The following SLC14A2 variants were observed in gnomAD, a reference collection of about 807,000 sequenced individuals.
The protein encoded by SLC14A2 is solute carrier family 14 member 2.
Under a neutral mutation model 104.6 loss-of-function variants are expected in SLC14A2, and 91 were observed. The observed-to-expected ratio is 0.87, with a 90% confidence interval of 0.73 to 1.04. The LOEUF (loss-of-function observed/expected upper bound fraction) is 1.04, where lower values mean the gene tolerates loss of function less well. Ranked by LOEUF, SLC14A2 falls within the 50% of genes least tolerant of loss-of-function variation. The pLI is 0.00. For missense variants in SLC14A2, 1,189 were observed against 1,156.0 expected, an observed-to-expected ratio of 1.03 and a Z score of -0.41; for synonymous variants, 476 against 466.4, an observed-to-expected ratio of 1.02 and a Z score of -0.27.
intron 1 of SLC14A2, among the ~76,000 whole-genome samples, chr18:45,391,909 G>C (rs562687800): frequency 1.3e-5 from 2 of 152,272 alleles, no homozygotes; most frequent in Admixed American, 6.5e-5. Context: ...TTCTTTTGCT[G>C]TGCAGAAGCT....
chr18:45,668,022 A>C lies in SLC14A2; in HGVS notation c.1907A>C (p.Lys636Thr). ...ACAGCCCTCATCCTGAGTCAGGACA[A>C]GTAAGTCCCAGAGGCTCAGGGTCCA... ...TLTALILSQD[K>T]SAIAAGFHGY... Residue 636 changes from lysine (K) to threonine (T), a missense_variant and splice_region_variant, in exon 14 of 20, where the codon AAG becomes ACG. Coordinates refer to ENST00000255226, the MANE Select transcript of SLC14A2 (RefSeq NM_007163.4). 6.2e-7 allele frequency: 1 copy of C among 1,613,932 alleles called. No individual in the cohort carries two copies. The highest frequency in any genetic ancestry group is 8.5e-7 in the Non-Finnish European group (1 of 1,179,860).
rs148094631 is a variant in SLC14A2, at chr18:45,279,929, C to T, written c.-125+66738C>T. 3.7e-4 allele frequency among the ~76,000 whole-genome samples: 57 copies of T among 152,226 alleles called. No homozygotes were observed. In the East Asian group the frequency reaches 9.9e-3, roughly 26 times the overall value. ...GTGGTGGTTGGAGGGTGTCCTGTGCCTTTGGGATATTTAGCAGCTTCCCTG... is the reference window on the plus strand; with the variant it reads ...GTGGTGGTTGGAGGGTGTCCTGTGCTTTTGGGATATTTAGCAGCTTCCCTG... On this transcript the variant is annotated intron_variant, in intron 1 of 20. Transcript: ENST00000586448.
chr18:45,309,331 CA>C (rs2085054732), intron 1 of SLC14A2, among the ~76,000 whole-genome samples: 1 of 149,060 alleles, frequency 6.7e-6, no homozygotes, highest in African/African-American at 2.5e-5. Context: ...TTCTCAGAAG[CA>C]CTTTTTTTTT....
chr18:45,629,155 T>A (rs761652984), intron 4 of SLC14A2, among the ~76,000 whole-genome samples: 1 of 152,162 alleles, frequency 6.6e-6, no homozygotes, highest in Non-Finnish European at 1.5e-5. Context: ...GGAAGTGTTG[T>A]AACCAACGTC....
intron 1 of SLC14A2, among the ~76,000 whole-genome samples, chr18:45,397,457 T>A (rs78746981): frequency 6.6e-6 from 1 of 152,230 alleles, no homozygotes; most frequent in Non-Finnish European, 1.5e-5. Context: ...GCTGAATGTA[T>A]GTCTTCCTTT....
chr18:45,493,398 A>G (rs2043035609), intron 2 of SLC14A2: 2 of 152,272 alleles, frequency 1.3e-5, no homozygotes, highest in South Asian at 4.1e-4. Context: ...CCCTCATTTT[A>G]TGAATAAAGA....
chr18:45,384,091 C>A (rs2085868008), intron 1 of SLC14A2, among the ~76,000 whole-genome samples: 1 of 152,108 alleles, frequency 6.6e-6, no homozygotes, highest in Admixed American at 6.5e-5. Flanking sequence ...CTAGCATAGG[C>A]ACTACACAGG....
At chr18:45,648,701 G>A (rs935377575) in intron 10 of SLC14A2, among the ~76,000 whole-genome samples, 5 of 151,818 alleles carry the variant, frequency 3.3e-5, no homozygotes, top group Non-Finnish European at 5.9e-5. Context: ...CAGTGTTTCT[G>A]TAATTTAATA....
chr18:45,545,479 T>C (rs1219689843), intron 2 of SLC14A2, among the ~76,000 whole-genome samples: 2 of 152,184 alleles, frequency 1.3e-5, no homozygotes, highest in Admixed American at 6.5e-5. Context: ...TCTATCAAAA[T>C]AGAAGAGAAC....
chr18:45,521,030 G>A (rs2043509590), intron 2 of SLC14A2, among the ~76,000 whole-genome samples: 1 of 152,178 alleles, frequency 6.6e-6, no homozygotes, highest in Non-Finnish European at 1.5e-5. Context: ...GCCCAGGCAA[G>A]AGTAGTGTCT....
At chr18:45,276,293 C>A (rs569189632) in intron 1 of SLC14A2, among the ~76,000 whole-genome samples, 1 of 152,258 alleles carries the variant, frequency 6.6e-6, no homozygotes, top group Admixed American at 6.5e-5. Context: ...CTAATAGGGA[C>A]CCAATAGAAA....
intron 1 of SLC14A2, among the ~76,000 whole-genome samples, chr18:45,421,511 C>T (rs2086348989): frequency 6.6e-6 from 1 of 152,174 alleles, no homozygotes; most frequent in Non-Finnish European, 1.5e-5. Flanking sequence ...TTCATCAGAA[C>T]ATCTTGAAGA....
chr18:45,274,600 A>T (rs1192208862), intron 1 of SLC14A2, among the ~76,000 whole-genome samples: 1 of 152,214 alleles, frequency 6.6e-6, no homozygotes, highest in Non-Finnish European at 1.5e-5. Flanking sequence ...TCCAAGCTCT[A>T]ACAAATTCTT....
At chr18:45,613,243 T>C (rs1264972104), upstream of SLC14A2, among the ~76,000 whole-genome samples, 1 of 152,034 alleles carries the variant, frequency 6.6e-6, no homozygotes, top group Non-Finnish European at 1.5e-5. Context: ...ACCGTGGTCT[T>C]GATCTCCTGA....
intron 1 of SLC14A2, among the ~76,000 whole-genome samples, chr18:45,291,631 C>T (rs2084870155): frequency 6.6e-6 from 1 of 152,292 alleles, no homozygotes; most frequent in East Asian, 1.9e-4. Context: ...AGGCATCAGT[C>T]ACTCTTCAGG....
At chr18:45,271,845 G>A (rs1360662016) in intron 1 of SLC14A2, among the ~76,000 whole-genome samples, 2 of 152,020 alleles carry the variant, frequency 1.3e-5, no homozygotes, top group African/African-American at 4.8e-5. Flanking sequence ...AGCCAAAGCT[G>A]TCTTAAGCAA....
intron 1 of SLC14A2, among the ~76,000 whole-genome samples, chr18:45,264,321 C>A (rs917200387): frequency 2.0e-5 from 3 of 152,136 alleles, no homozygotes; most frequent in Non-Finnish European, 4.4e-5. Context: ...CTTTTTCCAA[C>A]CTGACTCTCA....
At chr18:45,317,402 A>G (rs911564882) in intron 1 of SLC14A2, among the ~76,000 whole-genome samples, 7 of 152,198 alleles carry the variant, frequency 4.6e-5, no homozygotes, top group African/African-American at 1.2e-4. Flanking sequence ...CTTGTAGTCC[A>G]CTGTGGAAAT....
chr18:45,669,698 T>C (rs941323329), intron 16 of SLC14A2, among the ~76,000 whole-genome samples, 200 bp downstream of exon 16: 2 of 152,198 alleles, frequency 1.3e-5, no homozygotes, highest in Non-Finnish European at 2.9e-5. Context: ...TCTCACTCTA[T>C]GATAGCACAG....
Sources: allele counts gnomAD v4.1 joint callset (sites outside exome capture counted in the v4.1 genomes callset), GRCh38; gene constraint gnomAD v4.1.1; transcripts MANE v1.5; gene names NCBI Gene and HGNC (gene_info 2026-07-23, HGNC 2026-07-21).